The following SLC24A2 variants were observed in gnomAD, a reference collection of about 807,000 sequenced individuals.
SLC24A2 encodes solute carrier family 24 member 2, also known as sodium/potassium/calcium exchanger 2.
In SLC24A2, 36 loss-of-function variants were observed where a neutral mutation model predicts 62.0. The observed-to-expected ratio is 0.58, with a 90% CI of 0.44 to 0.77. The LOEUF is 0.77. SLC24A2 is among the 30% of genes least tolerant of loss of function. SLC24A2 has a pLI of 0.00. For synonymous variants in SLC24A2, 358 were observed against 294.0 expected (o/e 1.22, Z -2.23); for missense variants, 846 against 817.9 (o/e 1.03, Z -0.42).
At chr9:20,235,080 T>A in the SLC24A2 span, among the ~76,000 whole-genome samples, 18 of 152,238 alleles carry the variant, frequency 1.2e-4, no homozygotes, top group Non-Finnish European at 2.1e-4. Context: ...TGATCGTTCC[T>A]CTGGAAGTTT....
At chr9:19,639,720 A>G (rs1818445519) in intron 2 of SLC24A2, among the ~76,000 whole-genome samples, 6 of 152,242 alleles carry the variant, frequency 3.9e-5, no homozygotes, top group African/African-American at 1.2e-4. Context: ...CAAGTTTCAC[A>G]TAGGGAAACT....
At chr9:19,526,114 T>C (rs1039100626) in intron 9 of SLC24A2, among the ~76,000 whole-genome samples, 2 of 152,182 alleles carry the variant, frequency 1.3e-5, no homozygotes, top group African/African-American at 4.8e-5. Context: ...GATGTGTCCT[T>C]TTGTAACTGG....
chr9:20,122,425 G>A, the SLC24A2 span, among the ~76,000 whole-genome samples: 220 of 152,272 alleles, frequency 1.4e-3, 3 homozygotes, highest in East Asian at 0.037. Context: ...GGTGGCTCAC[G>A]CCTGTAATCC....
chr9:20,287,122 T>A, the SLC24A2 span, among the ~76,000 whole-genome samples: 1 of 152,198 alleles, frequency 6.6e-6, no homozygotes, highest in Non-Finnish European at 1.5e-5. Context: ...AACATTGTTT[T>A]AAGACAACCA....
chr9:19,629,681 G>C (rs969550606), intron 2 of SLC24A2, among the ~76,000 whole-genome samples: 16 of 152,278 alleles, frequency 1.1e-4, no homozygotes, highest in Middle Eastern at 3.4e-3. Flanking sequence ...GGGCCCCCCT[G>C]GTGGTCCCAG....
the SLC24A2 span, among the ~76,000 whole-genome samples, chr9:20,070,838 A>G: frequency 6.6e-6 from 1 of 152,214 alleles, no homozygotes; most frequent in Non-Finnish European, 1.5e-5. Context: ...GTGTCTGTAC[A>G]AATATTTGTC....
At chr9:19,586,768 T>A (rs1378627958) in intron 5 of SLC24A2, among the ~76,000 whole-genome samples, 2 of 152,148 alleles carry the variant, frequency 1.3e-5, no homozygotes, top group African/African-American at 4.8e-5. Flanking sequence ...TCATTTTAGA[T>A]CACCTGCTTC....
intron 2 of SLC24A2, among the ~76,000 whole-genome samples, chr9:19,773,032 A>C (rs1822736619): frequency 1.3e-5 from 2 of 152,194 alleles, no homozygotes; most frequent in African/African-American, 2.4e-5. Context: ...AACCTTAAAA[A>C]CATTACGCTA....
chr9:19,864,221 A>C, the SLC24A2 span, among the ~76,000 whole-genome samples: 1 of 152,094 alleles, frequency 6.6e-6, no homozygotes, highest in South Asian at 2.1e-4. Flanking sequence ...GCCTGACTCA[A>C]TGGTTTTACT....
chr9:19,578,588 CATATTAA>C, intron 5 of SLC24A2, among the ~76,000 whole-genome samples: 1 of 151,570 alleles, frequency 6.6e-6, no homozygotes, highest in African/African-American at 2.4e-5. Context: ...TCTCTAGCAG[CATATTAA>C]CAGGGGATCT....
intron 2 of SLC24A2, among the ~76,000 whole-genome samples, chr9:19,730,349 G>A (rs920650593): frequency 6.6e-6 from 1 of 152,102 alleles, no homozygotes; most frequent in African/African-American, 2.4e-5. Flanking sequence ...AGTTATATTT[G>A]TAGGATAAAT....
the SLC24A2 span, among the ~76,000 whole-genome samples, chr9:19,931,219 G>T: frequency 6.6e-6 from 1 of 152,196 alleles, no homozygotes; most frequent in Non-Finnish European, 1.5e-5. Flanking sequence ...GGAAGGTCAG[G>T]TTGCAGTCCT....
intron 4 of SLC24A2, among the ~76,000 whole-genome samples, chr9:19,618,132 A>G (rs1817816634): frequency 6.6e-6 from 1 of 152,240 alleles, no homozygotes; most frequent in African/African-American, 2.4e-5. Context: ...AACTATTAAT[A>G]TTACTATAGA....
the SLC24A2 span, among the ~76,000 whole-genome samples, chr9:20,269,953 C>G: frequency 6.6e-6 from 1 of 152,124 alleles, no homozygotes; most frequent in Non-Finnish European, 1.5e-5. Flanking sequence ...GCTAGGAAGT[C>G]CAGGGGCATG....
the SLC24A2 span, among the ~76,000 whole-genome samples, chr9:19,822,957 C>G: frequency 6.6e-6 from 1 of 152,116 alleles, no homozygotes; most frequent in Admixed American, 6.6e-5. Context: ...TTCTCCTTCT[C>G]AGGAGTCAGA....
intron 2 of SLC24A2, among the ~76,000 whole-genome samples, chr9:19,709,059 G>GAA (rs1386117944): frequency 1.3e-5 from 2 of 151,738 alleles, no homozygotes; most frequent in Non-Finnish European, 2.9e-5. Context: ...AAATTTACAA[G>GAA]AAAAAAACAA....
At chr9:20,051,147 A>G in the SLC24A2 span, among the ~76,000 whole-genome samples, 1 of 152,170 alleles carries the variant, frequency 6.6e-6, no homozygotes, top group African/African-American at 2.4e-5. Flanking sequence ...TAACACAATG[A>G]AAACAGGGTA....
At chr9:19,994,629 G>A in the SLC24A2 span, among the ~76,000 whole-genome samples, 2 of 152,188 alleles carry the variant, frequency 1.3e-5, no homozygotes, top group African/African-American at 2.4e-5. Context: ...GGCATGCTAT[G>A]AGGGAATGCC....
the SLC24A2 span, among the ~76,000 whole-genome samples, chr9:20,088,139 T>A: frequency 6.6e-6 from 1 of 152,126 alleles, no homozygotes. Flanking sequence ...AATCAGGAGG[T>A]TGGACCCCCA....
Sources: gnomAD v4.1 joint callset for allele counts (sites outside exome capture counted in the v4.1 genomes callset) on GRCh38, gnomAD v4.1.1 for gene constraint, MANE v1.5 for transcripts, NCBI Gene and HGNC (gene_info 2026-07-23, HGNC 2026-07-21) for gene names.